Variants in ULK4 observed in about 807,000 individuals in gnomAD.
The protein encoded by ULK4 is unc-51 like kinase 4, also known as inactive serine/threonine-protein kinase ULK4.
A neutral mutation model predicts 160.6 loss-of-function variants in ULK4; 133 were observed. That is an observed-to-expected ratio of 0.83 (90% CI 0.72 to 0.96). The LOEUF is 0.96. ULK4 is among the 40% of genes least tolerant of loss of function. The pLI is 0.00. For synonymous variants in ULK4, 534 were observed against 539.8 expected (o/e 0.99, Z 0.15); for missense variants, 1,580 against 1,499.5 (o/e 1.05, Z -0.89).
rs533563967 is a variant in ULK4 at position 41,376,907 on chromosome 3, G to A, written c.3678+21172C>T. Among the ~76,000 whole-genome samples, 34 of 149,634 alleles carry A rather than the reference G, an allele frequency of 2.3e-4. 2 individuals are homozygous for A. The highest frequency in any genetic ancestry group is 6.6e-4 in the South Asian group (3 of 4,546). ...TTCATATGGAACCAAAAAAGAGCCC[G>A]CATCGCCAAGTCAATCCTAAGCCAA... On this transcript the variant is annotated intron_variant, in intron 35 of 36. Coordinates refer to ENST00000301831, the MANE Select transcript of ULK4 (RefSeq NM_017886.4).
chr3:41,655,641 A>C (rs1260894862), intron 30 of ULK4, among the ~76,000 whole-genome samples: 1 of 152,156 alleles, frequency 6.6e-6, no homozygotes, highest in Non-Finnish European at 1.5e-5. Flanking sequence ...TTGGAGTTCA[A>C]GGCTGCAGTA....
rs2084775082 is a variant in ULK4 at position 41,491,734 on chromosome 3, TTTAA to T, written c.3227-28485_3227-28482del. Among the ~76,000 whole-genome samples the T allele has an allele frequency of 2.6e-5, 4 of 152,102 alleles. No homozygotes were observed. The South Asian group carries it at 8.3e-4, about 32-fold the overall frequency. On this transcript the variant is annotated intron_variant, in intron 32 of 36. Coordinates refer to ENST00000301831, the MANE Select transcript of ULK4 (RefSeq NM_017886.4). ...ATTCATTTGCTTTATTTTTATTTCT[TTTAA>T]TTATTATTATACTTTAAGTTTTAGG... is the stretch of plus-strand genomic sequence containing the variant.
chr3:41,837,803 C>A (rs1007668843), intron 17 of ULK4, among the ~76,000 whole-genome samples: 1 of 152,186 alleles, frequency 6.6e-6, no homozygotes, highest in African/African-American at 2.4e-5. Flanking sequence ...TCAAGTGATC[C>A]ACCCACCTCA....
chr3:41,551,626 T>A (rs2087071217), intron 32 of ULK4, among the ~76,000 whole-genome samples: 1 of 151,854 alleles, frequency 6.6e-6, no homozygotes, highest in Admixed American at 6.6e-5. Context: ...TCAATAATAA[T>A]AATAAATCTT....
chr3:41,911,454 CAA>C (rs1011363739), intron 10 of ULK4, 68 bp from the exon 11 acceptor site: 27 of 1,592,112 alleles, frequency 1.7e-5, no homozygotes, highest in South Asian at 1.1e-5. Context: ...ATAACGTACA[CAA>C]AGATTTAAAG....
intron 18 of ULK4, among the ~76,000 whole-genome samples, chr3:41,835,612 A>G (rs1437898705): frequency 6.6e-6 from 1 of 152,204 alleles, no homozygotes; most frequent in Non-Finnish European, 1.5e-5. Flanking sequence ...TGACTTTAAA[A>G]TATGGCCTTC....
Position 41,566,733 on chromosome 3 carries a change from T to C in ULK4, c.3121-603A>G, listed in dbSNP as rs562126232. 5.3e-5 allele frequency among the ~76,000 whole-genome samples: 8 copies of C among 152,362 alleles called. No individual in the cohort carries two copies. In the East Asian group the frequency reaches 1.2e-3, roughly 22 times the overall value. On this transcript the variant is annotated intron_variant, in intron 31 of 36. Coordinates refer to ENST00000301831, the MANE Select transcript of ULK4 (RefSeq NM_017886.4). ...ATTTCTCATTTTAAAGGCAGAATCA[T>C]TTCTTTGTAATTTTTAAAGGGTCTT...
intron 31 of ULK4, among the ~76,000 whole-genome samples, chr3:41,567,443 AT>A (rs71288055): frequency 0.34 from 30,214 of 88,674 alleles, 3,049 homozygotes; most frequent in Middle Eastern, 0.38. Context: ...CACTTAACAG[AT>A]TTTTTTTTTT....
chr3:41,918,692 C>T, intron 6 of ULK4, 152 bp from the exon 7 acceptor site: 1 of 445,892 alleles, frequency 2.2e-6, no homozygotes, highest in Non-Finnish European at 3.9e-6. Flanking sequence ...CACTCCGCCT[C>T]CTGGGTTCAG....
intron 32 of ULK4, among the ~76,000 whole-genome samples, chr3:41,494,958 A>T (rs564395347): frequency 1.3e-3 from 205 of 152,236 alleles, no homozygotes; most frequent in African/African-American, 4.7e-3. Flanking sequence ...AGAACATTCC[A>T]TGCTCATAGG....
At chr3:41,308,841 A>G (rs376344255) in intron 35 of ULK4, among the ~76,000 whole-genome samples, 1 of 152,254 alleles carries the variant, frequency 6.6e-6, no homozygotes, top group African/African-American at 2.4e-5. Context: ...CACTCTGGTC[A>G]TTTTGGATAA....
At chr3:41,411,061 C>T (rs1012716472) in intron 34 of ULK4, among the ~76,000 whole-genome samples, 5 of 152,158 alleles carry the variant, frequency 3.3e-5, no homozygotes, top group African/African-American at 1.2e-4. Context: ...TACCCCAAAA[C>T]ACAAGATCAT....
At chr3:41,737,435 C>T (rs900308915) in intron 22 of ULK4, among the ~76,000 whole-genome samples, 2 of 151,854 alleles carry the variant, frequency 1.3e-5, no homozygotes, top group East Asian at 3.8e-4. Flanking sequence ...AATGGCCATA[C>T]TGCCCAAGGT....
chr3:41,304,561 A>T (rs781748485), intron 35 of ULK4, among the ~76,000 whole-genome samples: 1 of 152,212 alleles, frequency 6.6e-6, no homozygotes, highest in Non-Finnish European at 1.5e-5. Context: ...TTGATTTAGC[A>T]GAGAAAGTCT....
chr3:41,801,378 T>A (rs1256170192), intron 19 of ULK4, among the ~76,000 whole-genome samples: 3 of 152,010 alleles, frequency 2.0e-5, no homozygotes, highest in East Asian at 1.9e-4. Context: ...TCAAAAGACC[T>A]AATAAATGTG....
rs561168320 is a variant in ULK4, at chr3:41,742,623, C to T, written c.2321+11738G>A. Among the ~76,000 whole-genome samples, 43 of 151,960 alleles carry T rather than the reference C, an allele frequency of 2.8e-4. 1 individual carries two copies. Among genetic ancestry groups the T allele is most frequent in the Admixed American group, 1.2e-3 (18 of 15,288 alleles). On this transcript the variant is annotated intron_variant, in intron 22 of 36. Transcript: ENST00000301831. ...GAAAATCGCATGAATCAAAAAAGAC[C>T]ATCAACACATACTACACTAGTATGA...
chr3:41,449,928 G>A (rs2083388478), intron 34 of ULK4, among the ~76,000 whole-genome samples: 1 of 147,136 alleles, frequency 6.8e-6, no homozygotes, highest in South Asian at 2.3e-4. Flanking sequence ...GGTCCTAAAT[G>A]GACTGTCAAG....
At chr3:41,854,166 G>A (rs2042280695) in intron 17 of ULK4, 1 of 152,196 alleles carries the variant, frequency 6.6e-6, no homozygotes, top group South Asian at 2.1e-4. Context: ...TGCCATCAAT[G>A]TTGAGAACCA....
chr3:41,631,666 A>G (rs1225538574), intron 30 of ULK4, among the ~76,000 whole-genome samples: 1 of 152,176 alleles, frequency 6.6e-6, no homozygotes, highest in Non-Finnish European at 1.5e-5. Flanking sequence ...TAGATGTCCA[A>G]TACAGCCCTG....
Sources: allele counts gnomAD v4.1 joint callset (sites outside exome capture counted in the v4.1 genomes callset), GRCh38; gene constraint gnomAD v4.1.1; transcripts MANE v1.5; gene names NCBI Gene and HGNC (gene_info 2026-07-23, HGNC 2026-07-21).